MSRA: variants seen among roughly 807,000 people sequenced by gnomAD.
MSRA encodes the protein methionine sulfoxide reductase A, also known as mitochondrial peptide methionine sulfoxide reductase.
In MSRA, 54 loss-of-function variants were observed where a neutral mutation model predicts 31.3. That is an observed-to-expected ratio of 1.73 (90% CI 1.39 to 2.17). MSRA has a LOEUF of 2.17. Ranked by LOEUF, MSRA falls within the 30% of genes most tolerant of loss-of-function variation. The pLI, the probability that MSRA is intolerant of heterozygous loss-of-function variation, is 0.00. For missense variants in MSRA, 507 were observed against 300.9 expected, an observed-to-expected ratio of 1.69 and a Z score of -5.07; for synonymous variants, 169 against 116.5, an observed-to-expected ratio of 1.45 and a Z score of -2.90.
At chr8:10,361,743 C>G (rs1357700278) in intron 5 of MSRA, among the ~76,000 whole-genome samples, 1 of 152,130 alleles carries the variant, frequency 6.6e-6, no homozygotes, top group East Asian at 1.9e-4. Context: ...TAAGGAGGCA[C>G]CTACTTAAAG....
At chr8:10,161,829 G>A (rs1008654640) in intron 1 of MSRA, among the ~76,000 whole-genome samples, 15 of 149,914 alleles carry the variant, frequency 1.0e-4, no homozygotes, top group Non-Finnish European at 2.1e-4. Flanking sequence ...ATCCCGCCCC[G>A]CCCCTGATAA....
intron 5 of MSRA, among the ~76,000 whole-genome samples, chr8:10,349,092 A>G (rs1245515417): frequency 6.6e-6 from 1 of 152,266 alleles, no homozygotes; most frequent in Non-Finnish European, 1.5e-5. Flanking sequence ...ACATCTATTC[A>G]TTCTAAAACA....
At chr8:10,186,014 C>G (rs977444216) in intron 1 of MSRA, among the ~76,000 whole-genome samples, 2 of 152,128 alleles carry the variant, frequency 1.3e-5, no homozygotes, top group African/African-American at 4.8e-5. Flanking sequence ...CCTTTGTCCC[C>G]TGACCATGGC....
intron 3 of MSRA, among the ~76,000 whole-genome samples, chr8:10,277,677 A>G (rs945931559): frequency 2.6e-5 from 4 of 152,166 alleles, no homozygotes; most frequent in Admixed American, 1.3e-4. Flanking sequence ...CATTGTATAT[A>G]CTTAATTGCT....
At chr8:10,173,049 T>G (rs1805736205) in intron 1 of MSRA, among the ~76,000 whole-genome samples, 1 of 152,232 alleles carries the variant, frequency 6.6e-6, no homozygotes, top group African/African-American at 2.4e-5. Context: ...AAAGCATGTA[T>G]AAAGACCATT....
At chr8:10,240,898 C>T (rs553711666) in intron 2 of MSRA, among the ~76,000 whole-genome samples, 1 of 152,158 alleles carries the variant, frequency 6.6e-6, no homozygotes, top group South Asian at 2.1e-4. Flanking sequence ...AGGATCGCCA[C>T]ACAGCCGTAG....
intron 3 of MSRA, among the ~76,000 whole-genome samples, chr8:10,294,420 C>G (rs569519412): frequency 2.0e-5 from 3 of 152,282 alleles, no homozygotes; most frequent in Non-Finnish European, 2.9e-5. Flanking sequence ...ATCATCAGGA[C>G]AGTCCCCTGA....
chr8:10,080,142 A>T (rs181001440), intron 1 of MSRA, among the ~76,000 whole-genome samples: 1 of 152,284 alleles, frequency 6.6e-6, no homozygotes, highest in East Asian at 1.9e-4. Context: ...AAGGCAGAGA[A>T]AGAAGATGGA....
At chr8:10,255,842 T>C (rs1304986236) in intron 3 of MSRA, among the ~76,000 whole-genome samples, 2 of 151,872 alleles carry the variant, frequency 1.3e-5, no homozygotes, top group East Asian at 1.9e-4. Context: ...TCTAATAAAC[T>C]GTTTTTTGTT....
rs1220709251 is a variant in MSRA at position 10,245,086 on chromosome 8, TC to T, written c.212-17del. ...TTGAATAATCAGTATCCTTTTTTTTTCTTTTTTCTTTTTTAAGGAATGGGAT... is the reference window on the plus strand; with the variant it reads ...TTGAATAATCAGTATCCTTTTTTTTTTTTTTTCTTTTTTAAGGAATGGGAT... On this transcript the variant is annotated splice_polypyrimidine_tract_variant and intron_variant, in intron 2 of 5. Transcript: ENST00000317173. 1.2e-5 allele frequency: 19 copies of T among 1,608,750 alleles called. No homozygotes were observed. Among genetic ancestry groups the T allele is most frequent in the Non-Finnish European group, 1.6e-5 (19 of 1,178,342 alleles).
intron 1 of MSRA, among the ~76,000 whole-genome samples, chr8:10,175,816 G>A (rs1178918688): frequency 6.6e-6 from 1 of 152,186 alleles, no homozygotes; most frequent in African/African-American, 2.4e-5. Flanking sequence ...CTCCTTTTGT[G>A]TGGGTAGCCA....
chr8:10,283,525 T>C (rs1191529052), intron 3 of MSRA, among the ~76,000 whole-genome samples: 1 of 151,926 alleles, frequency 6.6e-6, no homozygotes, highest in Non-Finnish European at 1.5e-5. Context: ...TGTGAGATTT[T>C]GTTGCACCCA....
At chr8:10,130,630 C>A (rs774442305) in intron 1 of MSRA, among the ~76,000 whole-genome samples, 1 of 152,082 alleles carries the variant, frequency 6.6e-6, no homozygotes, top group East Asian at 1.9e-4. Flanking sequence ...ACACAGAGAC[C>A]GCACATACAA....
chr8:10,423,076 G>A (rs1378446738), intron 5 of MSRA, among the ~76,000 whole-genome samples: 2 of 152,194 alleles, frequency 1.3e-5, no homozygotes, highest in Non-Finnish European at 2.9e-5. Flanking sequence ...AGATTCAGTA[G>A]GTGATGTGGG....
chr8:10,120,166 A>G (rs1022056559), intron 1 of MSRA, among the ~76,000 whole-genome samples: 1 of 152,164 alleles, frequency 6.6e-6, no homozygotes, highest in African/African-American at 2.4e-5. Context: ...AGGTCGTGCA[A>G]CAGGATAGAG....
intron 3 of MSRA, among the ~76,000 whole-genome samples, chr8:10,287,894 T>C (rs1442212932): frequency 6.6e-6 from 1 of 152,122 alleles, no homozygotes; most frequent in East Asian, 1.9e-4. Flanking sequence ...CCAGCAGTAA[T>C]TGCTTCATCC....
Position 10,161,921 on chromosome 8 carries a change from C to T in MSRA, c.143-45912C>T, listed in dbSNP as rs538032664. On this transcript the variant is annotated intron_variant, in intron 1 of 5. Transcript: ENST00000317173. ...AAATGGGAATACACCACTTGTTTTGCCCACTTGTTACAGGGTGGTCCGGAG... is the reference window on the plus strand; with the variant it reads ...AAATGGGAATACACCACTTGTTTTGTCCACTTGTTACAGGGTGGTCCGGAG... 1.4e-4 allele frequency among the ~76,000 whole-genome samples: 21 copies of T among 152,292 alleles called. 1 individual carries two copies. The South Asian group carries it at 4.4e-3, about 32-fold the overall frequency.
intron 1 of MSRA, among the ~76,000 whole-genome samples, chr8:10,179,616 C>T (rs1189759274): frequency 1.3e-5 from 2 of 152,160 alleles, no homozygotes; most frequent in Non-Finnish European, 2.9e-5. Context: ...GTTTCTGGTC[C>T]AGCCCTGAAT....
At chr8:10,248,666 G>C (rs1341124514) in intron 3 of MSRA, among the ~76,000 whole-genome samples, 1 of 152,200 alleles carries the variant, frequency 6.6e-6, no homozygotes, top group African/African-American at 2.4e-5. Context: ...ATAGGCCAGT[G>C]ACTCTGAACC....
Sources: allele counts gnomAD v4.1 joint callset (sites outside exome capture counted in the v4.1 genomes callset), GRCh38; gene constraint gnomAD v4.1.1; transcripts MANE v1.5; gene names NCBI Gene and HGNC (gene_info 2026-07-23, HGNC 2026-07-21).